Variants in MAPK13 observed in about 807,000 individuals in gnomAD.
MAPK13 encodes mitogen-activated protein kinase 13.
Under a neutral mutation model 53.5 loss-of-function variants are expected in MAPK13, and 39 were observed. The observed-to-expected ratio is 0.73, with a 90% CI of 0.56 to 0.95. MAPK13 has a LOEUF of 0.95. Ranked by LOEUF, MAPK13 falls within the 40% of genes least tolerant of loss-of-function variation. The pLI is 0.00. For missense variants in MAPK13, 460 were observed against 471.8 expected (o/e 0.98, Z 0.23); for synonymous variants, 179 against 190.9 (o/e 0.94, Z 0.51).
rs962417257 is a variant in MAPK13, at chr6:36,143,465, T to C, written c.*4092T>C. The C allele has an allele frequency of 6.6e-6, 1 of 152,276 alleles. No individual in the cohort carries two copies. The highest frequency in any genetic ancestry group is 2.4e-5 in the African/African-American group (1 of 41,444). 9.4% of individuals were successfully genotyped at this position (152,276 alleles called of 1,614,324 possible). On this transcript the variant is annotated 3_prime_UTR_variant, in exon 12 of 12. Transcript: ENST00000211287. The stretch of plus-strand genomic sequence containing the variant: ...GATGAGGGCATGGCTCAACTTTCAC[T>C]TGGCACATTGAAATAGCTTTTGCTG...
rs750624268 is a variant in MAPK13, at chr6:36,132,687, G to C, written c.308+8G>C. On this transcript the variant is annotated splice_region_variant and intron_variant, in intron 3 of 11. Coordinates refer to ENST00000211287, the MANE Select transcript of MAPK13 (RefSeq NM_002754.5). ...GCGCAACTTCTATGACTTGTGAGTT[G>C]GGCTGCACTGGGTTCTGGGGCATTT... 1.9e-6 allele frequency: 3 copies of C among 1,614,170 alleles called. 1 individual carries two copies. The South Asian group carries it at 3.3e-5, about 18-fold the overall frequency.
Position 36,141,474 on chromosome 6 carries a change from GACCAGCCTGGCCA to G in MAPK13, c.*2104_*2116del, listed in dbSNP as rs1766531278. 2 of 152,130 alleles carry G rather than the reference GACCAGCCTGGCCA, an allele frequency of 1.3e-5. No homozygotes were observed. The allele number at this position is 152,130 out of a possible 1,614,324, so 9.4% of individuals were successfully genotyped here. A position where few individuals can be genotyped will look rare whatever the true frequency, so the allele number is the denominator to read the frequency against. The stretch of plus-strand genomic sequence containing the variant: ...GGATCACTTGAGGTCAGGAGTTCAA[GACCAGCCTGGCCA>G]ACATGGTGAAACCCCATCTCTACCA... On this transcript the variant is annotated 3_prime_UTR_variant, in exon 12 of 12. Transcript: ENST00000211287.
In MAPK13 at chr6:36,140,456, G is replaced by A. The variant is rs552836103; in HGVS notation, c.*1083G>A. ...CAAATTTCCATGTGCACAAGCTGTC[G>A]GGCACAGTGGGTCTCAAATTTCCTT... On this transcript the variant is annotated 3_prime_UTR_variant, in exon 12 of 12. Transcript: ENST00000211287. 6.5e-5 allele frequency: 10 copies of A among 152,838 alleles called. No homozygotes were observed. Among genetic ancestry groups the A allele is most frequent in the East Asian group, 1.9e-4 (1 of 5,178 alleles). 9.5% of individuals were successfully genotyped at this position (152,838 alleles called of 1,614,324 possible).
rs921679553 is a variant in MAPK13, at chr6:36,142,575, A to C, written c.*3202A>C. 1.3e-5 allele frequency: 2 copies of C among 152,248 alleles called. No individual in the cohort carries two copies. The highest frequency in any genetic ancestry group is 4.8e-5 in the African/African-American group (2 of 41,442). The allele number at this position is 152,248 out of a possible 1,614,324, so 9.4% of individuals were successfully genotyped here. On this transcript the variant is annotated 3_prime_UTR_variant, in exon 12 of 12. Transcript: ENST00000211287. The surrounding 1 kb of genome is among the most constrained non-coding windows in gnomAD (Gnocchi z 4.4). ...CCTGTGCGTGAATGAATAATGAGTGAAAGATGTCCCAGGGGCCTGTCGGTC... is the reference window on the plus strand; with the variant it reads ...CCTGTGCGTGAATGAATAATGAGTGCAAGATGTCCCAGGGGCCTGTCGGTC...
rs1441713150 is a variant in MAPK13 at position 36,143,277 on chromosome 6, G to A, written c.*3904G>A. 1 of 152,124 alleles carries A rather than the reference G, an allele frequency of 6.6e-6. No homozygotes were observed. Among genetic ancestry groups the A allele is most frequent in the African/African-American group, 2.4e-5 (1 of 41,424 alleles). 9.4% of individuals were successfully genotyped at this position (152,124 alleles called of 1,614,324 possible). ...ATTGGGGTGGTGCTGCCCCCAGTGA[G>A]GGGCAGCACAAGGGGAGACAGAAAT... On this transcript the variant is annotated 3_prime_UTR_variant, in exon 12 of 12. Coordinates refer to ENST00000211287, the MANE Select transcript of MAPK13 (RefSeq NM_002754.5).
At chr6:36,131,189 G>T in intron 1 of MAPK13, 82 bp from the exon 2 acceptor site, 1 of 1,507,814 alleles carries the variant, frequency 6.6e-7, no homozygotes, top group Admixed American at 2.0e-5. Context: ...CAGCCCAGCT[G>T]CCCAGTGGGA....
Position 36,138,695 on chromosome 6 carries a change from C to T in MAPK13, c.763-7C>T. 6.2e-7 allele frequency: 1 copy of T among 1,614,052 alleles called. No individual in the cohort carries two copies. The highest frequency in any genetic ancestry group is 8.5e-7 in the Non-Finnish European group (1 of 1,179,884). On this transcript the variant is annotated splice_region_variant and splice_polypyrimidine_tract_variant and intron_variant, in intron 9 of 11. Coordinates refer to ENST00000211287, the MANE Select transcript of MAPK13 (RefSeq NM_002754.5). ...CCTAAGGGGTTTGATGCTTTTCTGT[C>T]TTCCAGGCCAAATCCTACATCCAGT...
In MAPK13 at chr6:36,140,552, C is replaced by G. The variant is rs2859137; in HGVS notation, c.*1179C>G. The G allele has an allele frequency of 0.71, 107,568 of 152,548 alleles. 38,332 individuals are homozygous for G. Among genetic ancestry groups the G allele is most frequent in the East Asian group, 0.93 (4,809 of 5,186 alleles). The allele number at this position is 152,548 out of a possible 1,614,324, so 9.4% of individuals were successfully genotyped here. ...CAGGGCTTGTGACTCAGCAGGTCTGCAGTTGAGACCTTAGAATGTGCATTT... is the reference window on the plus strand; with the variant it reads ...CAGGGCTTGTGACTCAGCAGGTCTGGAGTTGAGACCTTAGAATGTGCATTT... On this transcript the variant is annotated 3_prime_UTR_variant, in exon 12 of 12. Coordinates refer to ENST00000211287, the MANE Select transcript of MAPK13 (RefSeq NM_002754.5).
At position 36,135,881 on chromosome 6, in the gene MAPK13, C is replaced by A; in HGVS notation, c.417+20C>A. On this transcript the variant is annotated intron_variant, in intron 4 of 11. Transcript: ENST00000211287. Reference sequence around the variant, plus strand: ...CTTAAGGTGGGTGGGGACTTGGAGGCTGGCAGAGGGGACGCCTTGCTGTCT... The same window carrying A: ...CTTAAGGTGGGTGGGGACTTGGAGGATGGCAGAGGGGACGCCTTGCTGTCT... 3.7e-6 allele frequency: 6 copies of A among 1,602,926 alleles called. No homozygotes were observed. The highest frequency in any genetic ancestry group is 5.1e-6 in the Non-Finnish European group (6 of 1,170,216).
In MAPK13 at chr6:36,136,862, TCTCC is replaced by T. The variant is rs749439994; in HGVS notation, c.611-9_611-6del. On this transcript the variant is annotated splice_polypyrimidine_tract_variant and intron_variant, in intron 7 of 11. Transcript: ENST00000211287. Reference sequence around the variant, plus strand: ...GGGCCCCAGACAGTCCAGGTGACACTCTCCCTCCCTCTGCAGTGGACATCTGGTC... The same window carrying T: ...GGGCCCCAGACAGTCCAGGTGACACTCTCCCTCTGCAGTGGACATCTGGTC... The T allele has an allele frequency of 1.2e-6, 2 of 1,613,552 alleles. No homozygotes were observed. The highest frequency in any genetic ancestry group is 1.1e-5 in the South Asian group (1 of 91,066).
rs1373214067 is a variant in MAPK13, at chr6:36,130,529, G to T, written c.-54G>T. On this transcript the variant is annotated 5_prime_UTR_variant, in exon 1 of 12. Transcript: ENST00000211287. This position sits in a 1 kb window ranked among gnomAD's most constrained non-coding sequence, Gnocchi z 4.5. ...GCGGGGGTCGGGGCGCTGGGAGCCC[G>T]TTGGGCCGCGAACGCAGCCGCCACG... The T allele has an allele frequency of 4.3e-6, 4 of 927,010 alleles. No individual in the cohort carries two copies. Among genetic ancestry groups the T allele is most frequent in the Non-Finnish European group, 1.6e-6 (1 of 623,648 alleles). The allele number at this position is 927,010 out of a possible 1,614,324, so 57.4% of individuals were successfully genotyped here. A position where few individuals can be genotyped will look rare whatever the true frequency, so the allele number is the denominator to read the frequency against.
Position 36,135,863 on chromosome 6 carries a change from T to C in MAPK13, c.417+2T>C. On this transcript the variant is annotated splice_donor_variant, in intron 4 of 11. Transcript: ENST00000211287. LOFTEE classifies it high-confidence loss of function. Reference sequence around the variant, plus strand: ...TATCAGATGCTCAAAGGCCTTAAGGTGGGTGGGGACTTGGAGGCTGGCAGA... The same window carrying C: ...TATCAGATGCTCAAAGGCCTTAAGGCGGGTGGGGACTTGGAGGCTGGCAGA... The C allele has an allele frequency of 6.2e-7, 1 of 1,611,378 alleles. No individual in the cohort carries two copies. The highest frequency in any genetic ancestry group is 8.5e-7 in the Non-Finnish European group (1 of 1,177,904).
At position 36,135,735 on chromosome 6, in the gene MAPK13, AC is replaced by A. The variant is rs1467884704; in HGVS notation, c.309-14del. 1.9e-6 allele frequency: 3 copies of A among 1,587,966 alleles called. No homozygotes were observed. On this transcript the variant is annotated splice_polypyrimidine_tract_variant and intron_variant, in intron 3 of 11. Transcript: ENST00000211287. ...GGTGGGACCCGGCACTGTTCCAAGA[AC>A]CCCTCATGCCTTCCAGCTACCTGGT...
Position 36,144,256 on chromosome 6 carries a change from T to TA in MAPK13, c.*4887dup, listed in dbSNP as rs1766589664. The TA allele has an allele frequency of 1.3e-5, 2 of 152,232 alleles. No homozygotes were observed. Among genetic ancestry groups the TA allele is most frequent in the South Asian group, 2.1e-4 (1 of 4,834 alleles). The allele number at this position is 152,232 out of a possible 1,614,324, so 9.4% of individuals were successfully genotyped here. A position where few individuals can be genotyped will look rare whatever the true frequency, so the allele number is the denominator to read the frequency against. On this transcript the variant is annotated 3_prime_UTR_variant, in exon 12 of 12. Transcript: ENST00000211287. Reference sequence around the variant, plus strand: ...TTATATACAGTTGTCAAAATATTTTTAAAATGTATAACGTGATACTATGTG... The same window carrying TA: ...TTATATACAGTTGTCAAAATATTTTTAAAAATGTATAACGTGATACTATGTG...
At chr6:36,135,684 C>A in intron 3 of MAPK13, 69 bp from the exon 4 acceptor site, 1 of 1,120,836 alleles carries the variant, frequency 8.9e-7, no homozygotes, top group Non-Finnish European at 1.3e-6. Flanking sequence ...CCTGAGGTCC[C>A]TCCTCTGAGC....
At position 36,130,720 on chromosome 6, in the gene MAPK13, T is replaced by TGAGGGGC. The variant is rs1554187140; in HGVS notation, c.119+20_119+21insAGGGGCG. ...CCGTGTGGTGAGACCCCTGGGCCGC[T>TGAGGGGC]GGGGGGCGGGGGGCGGGCGCCAGGC... On this transcript the variant is annotated intron_variant, in intron 1 of 11. Coordinates refer to ENST00000211287, the MANE Select transcript of MAPK13 (RefSeq NM_002754.5). This position sits in a 1 kb window ranked among gnomAD's most constrained non-coding sequence, Gnocchi z 4.5. 2 of 669,506 alleles carry TGAGGGGC rather than the reference T, an allele frequency of 3.0e-6. No individual in the cohort carries two copies. The highest frequency in any genetic ancestry group is 6.3e-5 in the Admixed American group (2 of 31,660). 41.5% of individuals were successfully genotyped at this position (669,506 alleles called of 1,614,324 possible).
At chr6:36,134,055 G>A (rs535539046) in intron 3 of MAPK13, among the ~76,000 whole-genome samples, 3 of 152,316 alleles carry the variant, frequency 2.0e-5, no homozygotes, top group African/African-American at 7.2e-5. Context: ...ATCCAGGAGT[G>A]TGGACCGCCC....
intron 8 of MAPK13, among the ~76,000 whole-genome samples, chr6:36,137,944 G>A (rs1766451629): frequency 8.3e-6 from 1 of 120,240 alleles, no homozygotes; most frequent in Non-Finnish European, 1.7e-5. Context: ...GAGTGACAGA[G>A]TGAGACCCTG....
chr6:36,136,797 G>C, intron 7 of MAPK13, 27 bp downstream of exon 7: 1 of 1,612,024 alleles, frequency 6.2e-7, no homozygotes, highest in Non-Finnish European at 8.5e-7. Flanking sequence ...TGAGAGGGCG[G>C]TCCTGGGGCC....
Sources: allele counts gnomAD v4.1 joint callset (sites outside exome capture counted in the v4.1 genomes callset), GRCh38; gene constraint gnomAD v4.1.1; non-coding constraint Gnocchi (gnomAD v3.1); transcripts MANE v1.5; gene names NCBI Gene and HGNC (gene_info 2026-07-23, HGNC 2026-07-21).